The following SLC35F4 variants were observed in gnomAD, a reference collection of about 807,000 sequenced individuals.
SLC35F4 encodes solute carrier family 35 member F4, also known as chromosome 14 open reading frame 36.
In SLC35F4, 24 loss-of-function variants were observed where a neutral mutation model predicts 44.2. The ratio of observed to expected loss-of-function variants is 0.54; its 90% CI spans 0.39 to 0.76. The LOEUF (loss-of-function observed/expected upper bound fraction) is 0.76. Ranked by LOEUF, SLC35F4 falls within the 30% of genes least tolerant of loss-of-function variation. The pLI is 0.00. For missense variants in SLC35F4, 562 were observed against 586.1 expected (o/e 0.96, Z 0.42); for synonymous variants, 238 against 223.6 (o/e 1.06, Z -0.57).
At chr14:57,892,319 T>A (rs1380192287) in intron 1 of SLC35F4, among the ~76,000 whole-genome samples, 1 of 152,216 alleles carries the variant, frequency 6.6e-6, no homozygotes, top group African/African-American at 2.4e-5. Flanking sequence ...GATGCATTAG[T>A]CAGGTGACAT....
intron 1 of SLC35F4, among the ~76,000 whole-genome samples, chr14:57,715,001 AAAGACTGAGTAGAAGGAGCTCTTCT>A (rs1419947803): frequency 6.6e-6 from 1 of 152,192 alleles, no homozygotes; most frequent in Admixed American, 6.5e-5. Context: ...GAGAGGAGTC[AAAGACTGAGTAGAAGGAGCTCTTCT>A]AAAAGTAGTA....
intron 1 of SLC35F4, among the ~76,000 whole-genome samples, chr14:57,742,527 T>A (rs1050225712): frequency 6.6e-6 from 1 of 152,108 alleles, no homozygotes; most frequent in Admixed American, 6.5e-5. Context: ...GAGCTAACTA[T>A]CCTAAATATA....
chr14:57,931,163 A>G (rs1889689772), intron 1 of SLC35F4, among the ~76,000 whole-genome samples: 1 of 152,224 alleles, frequency 6.6e-6, no homozygotes, highest in Admixed American at 6.5e-5. Context: ...TACCAGATTT[A>G]GAATTCAGGT....
rs1317776350 is a variant in SLC35F4, at chr14:57,564,315, G to A, written c.1278C>T (p.Ile426=). The A allele has an allele frequency of 6.2e-7, 1 of 1,612,174 alleles. No individual in the cohort carries two copies. Among genetic ancestry groups the A allele is most frequent in the East Asian group, 2.2e-5 (1 of 44,796 alleles). Residue 426 remains isoleucine, a synonymous_variant, in exon 8 of 8, where the codon ATC becomes ATT. Coordinates refer to ENST00000556826, the MANE Select transcript of SLC35F4 (RefSeq NM_001306087.2). ...GCATCAGCAGAAACCCAATGCAGAT[G>A]ATGATGGTAGCAGCCAGGCGGACAA... is the stretch of plus-strand genomic sequence containing the variant. ...FNVVRLAATI[I]ICIGFLLMLL... is the part of the protein sequence containing the mutation.
intron 1 of SLC35F4, among the ~76,000 whole-genome samples, chr14:57,896,204 T>C (rs1888865716): frequency 6.6e-6 from 1 of 152,104 alleles, no homozygotes. Flanking sequence ...TAATCAGTAA[T>C]TTAGGCAAGA....
At chr14:57,647,194 G>A (rs995026474) in intron 1 of SLC35F4, among the ~76,000 whole-genome samples, 1 of 150,860 alleles carries the variant, frequency 6.6e-6, no homozygotes, top group East Asian at 2.0e-4. Context: ...TTTCTGTCTC[G>A]TTGATCTGTC....
chr14:57,863,735 A>G (rs1887875627), intron 1 of SLC35F4, among the ~76,000 whole-genome samples: 2 of 152,182 alleles, frequency 1.3e-5, no homozygotes, highest in African/African-American at 4.8e-5. Context: ...TGTGCAAAAT[A>G]GCAATCTTTC....
At chr14:57,880,960 T>C (rs1165281895) in intron 1 of SLC35F4, among the ~76,000 whole-genome samples, 1 of 152,224 alleles carries the variant, frequency 6.6e-6, no homozygotes, top group Non-Finnish European at 1.5e-5. Flanking sequence ...CAGATTTACA[T>C]AGGAAGTCAA....
At chr14:57,764,819 C>G (rs4901815) in intron 1 of SLC35F4, among the ~76,000 whole-genome samples, 8,867 of 152,242 alleles carry the variant, frequency 0.058, 327 homozygotes, top group East Asian at 0.18. Flanking sequence ...CCACTCCAAA[C>G]AACTGAGCGT....
chr14:57,737,149 G>A (rs776832438), intron 1 of SLC35F4, among the ~76,000 whole-genome samples: 2 of 151,660 alleles, frequency 1.3e-5, no homozygotes, highest in African/African-American at 2.4e-5. Context: ...TTAGGAGAGA[G>A]AGAATGAAAG....
intron 1 of SLC35F4, among the ~76,000 whole-genome samples, chr14:57,634,697 A>G (rs1050928122): frequency 6.6e-5 from 10 of 152,184 alleles, no homozygotes; most frequent in East Asian, 1.9e-4. Flanking sequence ...ATTCAAAGCT[A>G]TTGCATGGTT....
chr14:57,722,000 T>C (rs765031883), intron 1 of SLC35F4, among the ~76,000 whole-genome samples: 2 of 150,644 alleles, frequency 1.3e-5, no homozygotes, highest in African/African-American at 4.9e-5. Flanking sequence ...AAAGTCCTTG[T>C]GGGCCTCCAG....
upstream of SLC35F4, among the ~76,000 whole-genome samples, chr14:57,869,887 CCTTT>C (rs1223631856): frequency 6.6e-6 from 1 of 152,128 alleles, no homozygotes; most frequent in Non-Finnish European, 1.5e-5. Flanking sequence ...GCTGACACAG[CCTTT>C]CTGTTTCAAT....
At chr14:57,948,988 G>A (rs946422052) in intron 1 of SLC35F4, among the ~76,000 whole-genome samples, 2 of 152,084 alleles carry the variant, frequency 1.3e-5, no homozygotes, top group African/African-American at 4.8e-5. Flanking sequence ...TCTATGTGCT[G>A]ATGAAAAGAA....
rs1309399946 is a variant in SLC35F4 at position 57,564,021 on chromosome 14, C to T, written c.*114G>A. On this transcript the variant is annotated 3_prime_UTR_variant, in exon 8 of 8. Coordinates refer to ENST00000556826, the MANE Select transcript of SLC35F4 (RefSeq NM_001306087.2). ...AACTTTTATTGTTGGCATTATTTCA[C>T]ATATGATTTATCCAAATTCAGAGTT... 8.6e-7 allele frequency: 1 copy of T among 1,160,136 alleles called. No individual in the cohort carries two copies. Among genetic ancestry groups the T allele is most frequent in the Admixed American group, 2.6e-5 (1 of 38,648 alleles). The allele number at this position is 1,160,136 out of a possible 1,614,324, so 71.9% of individuals were successfully genotyped here.
At chr14:57,738,660 A>T in intron 1 of SLC35F4, among the ~76,000 whole-genome samples, 1 of 151,146 alleles carries the variant, frequency 6.6e-6, no homozygotes, top group East Asian at 1.9e-4. Context: ...TCTCAAAATC[A>T]TGGGAAGTCT....
chr14:57,849,373 G>A (rs1416066791), intron 1 of SLC35F4, among the ~76,000 whole-genome samples: 3 of 152,056 alleles, frequency 2.0e-5, no homozygotes, highest in African/African-American at 7.2e-5. Context: ...TGTTGGCCAG[G>A]CTGGTCTCGT....
At chr14:57,907,720 C>T (rs189524772) in intron 1 of SLC35F4, among the ~76,000 whole-genome samples, 2 of 152,150 alleles carry the variant, frequency 1.3e-5, no homozygotes, top group African/African-American at 4.8e-5. Context: ...ATTTGCAGAA[C>T]CTGTATGAAT....
rs193262831 is a variant in SLC35F4 at position 57,938,774 on chromosome 14, T to C, written n.282+43139A>G. On this transcript the variant is annotated intron_variant and non_coding_transcript_variant, in intron 1 of 1. Transcript: ENST00000556568. ...GGCTACTGCTATGTAAACCATGCTT[T>C]TAGCCGCAAGACCCTAGTGTGTCCA... Among the ~76,000 whole-genome samples the C allele has an allele frequency of 8.2e-3, 1,252 of 152,272 alleles. 24 individuals are homozygous for C. Among genetic ancestry groups the C allele is most frequent in the African/African-American group, 0.026 (1,097 of 41,556 alleles).
Sources: allele counts gnomAD v4.1 joint callset (sites outside exome capture counted in the v4.1 genomes callset), GRCh38; gene constraint gnomAD v4.1.1; transcripts MANE v1.5; gene names NCBI Gene and HGNC (gene_info 2026-07-23, HGNC 2026-07-21).